Variants in DLG1 observed in about 807,000 individuals in gnomAD.
DLG1 encodes disks large homolog 1.
A neutral mutation model predicts 123.4 loss-of-function variants in DLG1; 42 were observed. That is an observed-to-expected ratio of 0.34 (90% CI 0.27 to 0.44). The LOEUF is 0.44. Among genes scored for constraint, DLG1 ranks in the 20% least tolerant of loss-of-function variants. The pLI is 1.00. For missense variants in DLG1, 942 were observed against 1,082.6 expected, an observed-to-expected ratio of 0.87 and a Z score of 1.82; for synonymous variants, 317 against 356.2, an observed-to-expected ratio of 0.89 and a Z score of 1.24.
chr3:197,053,666 G>T (rs1180363581), intron 23 of DLG1, among the ~76,000 whole-genome samples: 1 of 151,826 alleles, frequency 6.6e-6, no homozygotes, highest in Non-Finnish European at 1.5e-5. Context: ...CAGCTACTAG[G>T]GAGGCTGAGG....
At chr3:197,100,272 G>C (rs940584520) in intron 14 of DLG1, among the ~76,000 whole-genome samples, 1 of 152,172 alleles carries the variant, frequency 6.6e-6, no homozygotes, top group Admixed American at 6.5e-5. Flanking sequence ...TGAAAATAAA[G>C]TCAGGACACT....
rs1777370151 is a variant in DLG1, at chr3:197,296,389, C to A, written c.108G>T (p.Arg36=). 1.2e-6 allele frequency: 2 copies of A among 1,613,590 alleles called. No homozygotes were observed. The highest frequency in any genetic ancestry group is 2.7e-5 in the African/African-American group (2 of 74,904). Reference sequence around the variant, plus strand: ...GGTTGCTCTGAAATATGTTAATAACCCGTTCTATGGAACTTCTGAGCTGTC... The same window carrying A: ...GGTTGCTCTGAAATATGTTAATAACACGTTCTATGGAACTTCTGAGCTGTC... ...EDRQLRSSIE[R]VINIFQSNLF... The change falls in exon 3 of 25, where the codon CGG becomes CGT. Residue 36 remains arginine (R), a synonymous_variant. Coordinates refer to ENST00000667157, the MANE Select transcript of DLG1 (RefSeq NM_001366207.1).
chr3:197,106,417 C>T lies in DLG1; in HGVS notation c.1444-1412G>A, dbSNP rs961966603. 5.0e-5 allele frequency among the ~76,000 whole-genome samples: 7 copies of T among 139,430 alleles called. No homozygotes were observed. The East Asian group carries it at 1.4e-3, about 29-fold the overall frequency. 91.5% of individuals were successfully genotyped at this position (139,430 alleles called of 152,430 possible). A position where few individuals can be genotyped will look rare whatever the true frequency, so the allele number is the denominator to read the frequency against. ...AGAGGGACGCTCTGTCTCCAGCCAG[C>T]CCCCCCCACCCCCCTCAATGAAAAC... On this transcript the variant is annotated intron_variant, in intron 13 of 24. Coordinates refer to ENST00000667157, the MANE Select transcript of DLG1 (RefSeq NM_001366207.1).
chr3:197,151,684 T>G (rs947297733), intron 5 of DLG1, among the ~76,000 whole-genome samples: 1 of 152,208 alleles, frequency 6.6e-6, no homozygotes, highest in Non-Finnish European at 1.5e-5. Context: ...AGCCAAGTAC[T>G]CAGTTTTAAA....
At chr3:197,069,195 G>T in intron 19 of DLG1, 24 bp downstream of exon 19, 1 of 1,544,510 alleles carries the variant, frequency 6.5e-7, no homozygotes, top group African/African-American at 1.4e-5. Context: ...GATTACAAAA[G>T]AACAAGTAAC....
intron 4 of DLG1, among the ~76,000 whole-genome samples, chr3:197,239,532 T>C (rs1747762575): frequency 6.6e-6 from 1 of 152,088 alleles, no homozygotes; most frequent in South Asian, 2.1e-4. Context: ...AAAAGAAAAC[T>C]ACAGACCAAT....
chr3:197,130,712 G>A, intron 10 of DLG1, 41 bp from the exon 11 acceptor site: 3 of 1,449,584 alleles, frequency 2.1e-6, no homozygotes, highest in South Asian at 2.8e-5. Flanking sequence ...ATATTCACTT[G>A]TTCTCTGAGT....
intron 17 of DLG1, among the ~76,000 whole-genome samples, chr3:197,077,553 G>A (rs3773841): frequency 0.12 from 18,706 of 152,126 alleles, 1,405 homozygotes; most frequent in South Asian, 0.32. Flanking sequence ...TTGGCACCAC[G>A]TCCTTCATAG....
intron 18 of DLG1, chr3:197,075,889 A>G: frequency 6.2e-7 from 1 of 1,608,134 alleles, no homozygotes; most frequent in Non-Finnish European, 8.5e-7. Context: ...GGTAGTCCCC[A>G]GAGAGCAAGC....
chr3:197,109,262 C>T (rs926782592), intron 13 of DLG1, among the ~76,000 whole-genome samples: 6 of 152,038 alleles, frequency 3.9e-5, no homozygotes, highest in East Asian at 3.8e-4. Flanking sequence ...CCCAGCTACT[C>T]GGGAGGCTGA....
At chr3:197,067,809 G>A (rs761880084) in intron 19 of DLG1, among the ~76,000 whole-genome samples, 9 of 152,014 alleles carry the variant, frequency 5.9e-5, no homozygotes, top group Admixed American at 1.3e-4. Context: ...TGCCCGCCTC[G>A]GCCTCCCAAA....
chr3:197,214,711 T>C (rs1036490206), intron 4 of DLG1, among the ~76,000 whole-genome samples: 15 of 152,222 alleles, frequency 9.9e-5, no homozygotes, highest in South Asian at 8.3e-4. Context: ...AGAGCTCAAG[T>C]ACATTACAAA....
At chr3:197,204,808 T>C (rs1035901084) in intron 4 of DLG1, among the ~76,000 whole-genome samples, 2 of 152,218 alleles carry the variant, frequency 1.3e-5, no homozygotes, top group African/African-American at 4.8e-5. Flanking sequence ...ATGTCTTCTA[T>C]GACTTGGGCA....
intron 8 of DLG1, 104 bp downstream of exon 8, chr3:197,140,036 T>C: frequency 7.7e-7 from 1 of 1,302,566 alleles, no homozygotes. Flanking sequence ...CCTATGCTAG[T>C]TATCATGATC....
chr3:197,199,757 T>C (rs1724642533), intron 4 of DLG1, among the ~76,000 whole-genome samples: 1 of 152,176 alleles, frequency 6.6e-6, no homozygotes, highest in Admixed American at 6.5e-5. Context: ...TTTGTAACAC[T>C]GAAAACTTCA....
At chr3:197,218,423 G>C (rs968059133) in intron 4 of DLG1, among the ~76,000 whole-genome samples, 6 of 152,138 alleles carry the variant, frequency 3.9e-5, no homozygotes, top group Non-Finnish European at 8.8e-5. Context: ...TTTATCTCCA[G>C]CAAGTGCCAA....
chr3:197,121,327 A>AAGC (rs1191828234), intron 11 of DLG1, among the ~76,000 whole-genome samples: 2 of 152,176 alleles, frequency 1.3e-5, no homozygotes, highest in African/African-American at 4.8e-5. Context: ...TCCCCCAGAG[A>AAGC]AGCACAAGAG....
chr3:197,210,920 TA>T (rs1730965890), intron 4 of DLG1, among the ~76,000 whole-genome samples: 1 of 145,908 alleles, frequency 6.9e-6, no homozygotes, highest in Non-Finnish European at 1.5e-5. Flanking sequence ...GAATCCTTTT[TA>T]AAATACAGCA....
At chr3:197,211,167 A>C (rs1439845765) in intron 4 of DLG1, among the ~76,000 whole-genome samples, 3 of 146,306 alleles carry the variant, frequency 2.1e-5, no homozygotes, top group Admixed American at 6.9e-5. Context: ...GAACGATCTA[A>C]ATCTGATAAA....
Sources: allele counts gnomAD v4.1 joint callset (sites outside exome capture counted in the v4.1 genomes callset), GRCh38; gene constraint gnomAD v4.1.1; transcripts MANE v1.5; gene names NCBI Gene and HGNC (gene_info 2026-07-23, HGNC 2026-07-21).